PIK3R2: variants seen among roughly 807,000 people sequenced by gnomAD.
PIK3R2 encodes phosphoinositide-3-kinase regulatory subunit 2.
In PIK3R2, 40 loss-of-function variants were observed where a neutral mutation model predicts 78.5. The ratio of observed to expected loss-of-function variants is 0.51; its 90% CI spans 0.40 to 0.66. The LOEUF (loss-of-function observed/expected upper bound fraction) is 0.66, where lower values mean the gene tolerates loss of function less well. PIK3R2 is among the 30% of genes least tolerant of loss of function. The pLI is 0.00. For missense variants in PIK3R2, 880 were observed against 1,026.6 expected, an observed-to-expected ratio of 0.86 and a Z score of 1.95; for synonymous variants, 473 against 457.7, an observed-to-expected ratio of 1.03 and a Z score of -0.43.
rs1379560976 is a variant in PIK3R2, at chr19:18,168,269, G to A, written c.1737-206G>A. Reference sequence around the variant, plus strand: ...ACAGAAACAAAAAAATGAGGGGTGTGGGTCAGGGTTCCCCAGCAGAGCTGG... The same window carrying A: ...ACAGAAACAAAAAAATGAGGGGTGTAGGTCAGGGTTCCCCAGCAGAGCTGG... On this transcript the variant is annotated intron_variant, in intron 13 of 15. Transcript: ENST00000222254. This position sits in a 1 kb window ranked among gnomAD's most constrained non-coding sequence, Gnocchi z 4.1. Among the ~76,000 whole-genome samples the A allele has an allele frequency of 3.3e-5, 5 of 152,150 alleles. No homozygotes were observed. Among genetic ancestry groups the A allele is most frequent in the Non-Finnish European group, 5.9e-5 (4 of 68,008 alleles).
Position 18,169,135 on chromosome 19 carries a change from C to T in PIK3R2, c.2028C>T (p.Gly676=), listed in dbSNP as rs760431736. 33 of 1,611,818 alleles carry T rather than the reference C, an allele frequency of 2.0e-5. 1 individual carries two copies. The South Asian group carries it at 3.5e-4, about 17-fold the overall frequency. The change falls in exon 16 of 16, where the codon GGC becomes GGT. Residue 676 remains glycine (G), a synonymous_variant. Coordinates refer to ENST00000222254, the MANE Select transcript of PIK3R2 (RefSeq NM_005027.4). ...GCGTCATCTACCGCACGGCCACCGG[C>T]TTCGGCTTCGCGGAGCCCTACAACC... ...KHCVIYRTAT[G]FGFAEPYNLY... is the part of the protein sequence containing the mutation.
intron 3 of PIK3R2, 47 bp downstream of exon 3, chr19:18,160,610 C>G (rs2043731889): frequency 7.0e-7 from 1 of 1,420,258 alleles, no homozygotes; most frequent in Non-Finnish European, 9.9e-7. Flanking sequence ...TTGCTTACCT[C>G]TAGTGACAGG....
At position 18,162,048 on chromosome 19, in the gene PIK3R2, C is replaced by G; in HGVS notation, c.898C>G (p.Pro300Ala). ...EHLEEQEVAP[P>A]ALPPKPPKAK... Reference sequence around the variant, plus strand: ...CTTGGAAGAGCAGGAGGTTGCGCCCCCAGGTGAGTCCCCTGTATTGCTGTC... The same window carrying G: ...CTTGGAAGAGCAGGAGGTTGCGCCCGCAGGTGAGTCCCCTGTATTGCTGTC... Residue 300 changes from proline to alanine, a missense_variant, in exon 7 of 16, where the codon CCA becomes GCA. Pro to Ala is a conservative substitution (Grantham distance 27). This residue lies in a region of PIK3R2 where 456 missense variants were observed against 486.6 expected (regional missense o/e 0.94). Transcript: ENST00000222254. 6.2e-7 allele frequency: 1 copy of G among 1,613,502 alleles called. No individual in the cohort carries two copies. Among genetic ancestry groups the G allele is most frequent in the Non-Finnish European group, 8.5e-7 (1 of 1,179,606 alleles).
chr19:18,161,107 AT>A lies in PIK3R2; in HGVS notation c.522del (p.Lys175ArgfsTer12). On this transcript the variant is annotated frameshift_variant, in exon 5 of 16. Transcript: ENST00000222254. LOFTEE classifies it high-confidence loss of function. This position sits in a 1 kb window ranked among gnomAD's most constrained non-coding sequence, Gnocchi z 5.3. ...QWDTAALADG[I>X]KSFLLALPAP... ...GGACACGGCAGCCCTGGCTGACGGC[AT>A]TAAGAGCTTCCTGCTGGCACTGCCC... 1 of 1,599,472 alleles carries A rather than the reference AT, an allele frequency of 6.3e-7. No homozygotes were observed. The highest frequency in any genetic ancestry group is 8.5e-7 in the Non-Finnish European group (1 of 1,173,902).
chr19:18,155,324 G>A, intron 1 of PIK3R2, 133 bp from the exon 2 acceptor site: 1 of 312,588 alleles, frequency 3.2e-6, no homozygotes, highest in Non-Finnish European at 5.8e-6. Flanking sequence ...TAGAGAAGCT[G>A]AGGCCCTGAG....
In PIK3R2 at chr19:18,160,905, C is replaced by T. The variant is rs1393453484; in HGVS notation, c.416-14C>T. On this transcript the variant is annotated splice_polypyrimidine_tract_variant and intron_variant, in intron 3 of 15. Coordinates refer to ENST00000222254, the MANE Select transcript of PIK3R2 (RefSeq NM_005027.4). Reference sequence around the variant, plus strand: ...GCATTTGAGAGCTGACTCGCCTGTCCCCTTCACCCCCAGGGCTGGACAGCG... The same window carrying T: ...GCATTTGAGAGCTGACTCGCCTGTCTCCTTCACCCCCAGGGCTGGACAGCG... 6.2e-7 allele frequency: 1 copy of T among 1,602,184 alleles called. No individual in the cohort carries two copies. The highest frequency in any genetic ancestry group is 8.5e-7 in the Non-Finnish European group (1 of 1,175,220).
rs1397361725 is a variant in PIK3R2, at chr19:18,161,655, C to T, written c.815+160C>T. ...TGATGACGGAGCGGAGACCTGGGCT[C>T]CTGAGTCGTGGGACAGAAGGTGAAG... On this transcript the variant is annotated intron_variant, in intron 6 of 15. Coordinates refer to ENST00000222254, the MANE Select transcript of PIK3R2 (RefSeq NM_005027.4). This position sits in a 1 kb window ranked among gnomAD's most constrained non-coding sequence, Gnocchi z 5.3. Among the ~76,000 whole-genome samples the T allele has an allele frequency of 6.6e-6, 1 of 152,174 alleles. No homozygotes were observed. The highest frequency in any genetic ancestry group is 2.4e-5 in the African/African-American group (1 of 41,458).
In PIK3R2 at chr19:18,166,243, A is replaced by G. The variant is rs774323083; in HGVS notation, c.1500A>G (p.Lys500=). ...IFEEQGQTQE[K]CSKEYLERFR... is the part of the protein sequence containing the mutation. ...AAGAGCAGGGCCAGACTCAAGAGAA[A>G]TGCAGCAAGGAATACCTGGAGCGCT... The change falls in exon 12 of 16, where the codon AAA becomes AAG. Residue 500 remains lysine (K), a synonymous_variant. Coordinates refer to ENST00000222254, the MANE Select transcript of PIK3R2 (RefSeq NM_005027.4). 1.1e-5 allele frequency: 18 copies of G among 1,614,168 alleles called. No homozygotes were observed. The East Asian group carries it at 3.3e-4, about 30-fold the overall frequency.
chr19:18,167,239 G>A lies in PIK3R2; in HGVS notation c.1669G>A (p.Asp557Asn), dbSNP rs372272045. The change falls in exon 13 of 16, where the codon GAC (aspartate) becomes AAC (asparagine). Residue 557 changes from aspartate (D) to asparagine (N), a missense_variant. By Grantham distance (23) the Asp-to-Asn change is conservative. This residue lies in a region of PIK3R2 where 268 missense variants were observed against 299.1 expected (regional missense o/e 0.90). Coordinates refer to ENST00000222254, the MANE Select transcript of PIK3R2 (RefSeq NM_005027.4). The surrounding 1 kb of genome is among the most constrained non-coding windows in gnomAD (Gnocchi z 4.5). ...CCAGGCCTCGGACAACAGAGAGATC[G>A]ACAAGCGCATGAACAGCCTCAAGCC... The part of the protein sequence containing the change: ...RAQASDNREI[D>N]KRMNSLKPDL... The A allele has an allele frequency of 1.2e-6, 2 of 1,612,994 alleles. No homozygotes were observed. The highest frequency in any genetic ancestry group is 1.7e-6 in the Non-Finnish European group (2 of 1,179,584).
In PIK3R2 at chr19:18,169,121, C is replaced by G; in HGVS notation, c.2014C>G (p.Arg672Gly). Residue 672 changes from arginine to glycine, a missense_variant, in exon 16 of 16, where the codon CGC becomes GGC. Arg to Gly is a moderately radical substitution (Grantham distance 125). Transcript: ENST00000222254. Reference sequence around the variant, plus strand: ...CGACACCAAGCACTGCGTCATCTACCGCACGGCCACCGGCTTCGGCTTCGC... The same window carrying G: ...CGACACCAAGCACTGCGTCATCTACGGCACGGCCACCGGCTTCGGCTTCGC... ...DGDTKHCVIY[R>G]TATGFGFAEP... 1.2e-6 allele frequency: 2 copies of G among 1,611,906 alleles called. No individual in the cohort carries two copies. Among genetic ancestry groups the G allele is most frequent in the South Asian group, 1.1e-5 (1 of 91,060 alleles).
chr19:18,158,840 G>C (rs1160325425), intron 2 of PIK3R2, among the ~76,000 whole-genome samples: 1 of 151,678 alleles, frequency 6.6e-6, no homozygotes, highest in Non-Finnish European at 1.5e-5. Context: ...GTATCTTTTT[G>C]TTTTGTTTTG....
At chr19:18,158,864 T>C (rs544891755) in intron 2 of PIK3R2, among the ~76,000 whole-genome samples, 23 of 152,274 alleles carry the variant, frequency 1.5e-4, no homozygotes, top group African/African-American at 5.3e-4. Flanking sequence ...TGTTTTGAGA[T>C]GGAGTTTCGC....
Position 18,168,640 on chromosome 19 carries a change from AG to A in PIK3R2, c.1809-84del. On this transcript the variant is annotated intron_variant, in intron 14 of 15. Coordinates refer to ENST00000222254, the MANE Select transcript of PIK3R2 (RefSeq NM_005027.4). This position sits in a 1 kb window ranked among gnomAD's most constrained non-coding sequence, Gnocchi z 4.1. ...AAGAATGAGTAGGAGTTCACCAGGG[AG>A]GAAAAGTTGTCCAGGCAGCTGGGGA... The A allele has an allele frequency of 8.6e-7, 1 of 1,165,046 alleles. No individual in the cohort carries two copies. Among genetic ancestry groups the A allele is most frequent in the Non-Finnish European group, 1.3e-6 (1 of 775,756 alleles). The allele number at this position is 1,165,046 out of a possible 1,614,324, so 72.2% of individuals were successfully genotyped here.
intron 10 of PIK3R2, 32 bp downstream of exon 10, chr19:18,163,179 G>A (rs2147953441): frequency 1.2e-6 from 2 of 1,613,006 alleles, no homozygotes; most frequent in Middle Eastern, 3.3e-4. Context: ...AGGGAGGGTA[G>A]CACCTGGCTG....
rs1314131789 is a variant in PIK3R2 at position 18,156,256 on chromosome 19, C to A, written c.322+55C>A. On this transcript the variant is annotated intron_variant, in intron 2 of 15. Coordinates refer to ENST00000222254, the MANE Select transcript of PIK3R2 (RefSeq NM_005027.4). The surrounding 1 kb of genome is among the most constrained non-coding windows in gnomAD (Gnocchi z 4.2). Reference sequence around the variant, plus strand: ...GGGGTGGTCCCCTCAGACCCTTGGTCTCCTCTTCTGTCCAGTGAGGCAATG... The same window carrying A: ...GGGGTGGTCCCCTCAGACCCTTGGTATCCTCTTCTGTCCAGTGAGGCAATG... 1.5e-6 allele frequency: 2 copies of A among 1,327,798 alleles called. No individual in the cohort carries two copies. The highest frequency in any genetic ancestry group is 2.0e-6 in the Non-Finnish European group (2 of 998,596). The allele number at this position is 1,327,798 out of a possible 1,614,324, so 82.3% of individuals were successfully genotyped here.
In PIK3R2 at chr19:18,162,273, C is replaced by T. The variant is rs2043757191; in HGVS notation, c.973C>T (p.Leu325=). 2 of 1,610,268 alleles carry T rather than the reference C, an allele frequency of 1.2e-6. No homozygotes were observed. The highest frequency in any genetic ancestry group is 1.7e-6 in the Non-Finnish European group (2 of 1,177,040). ...GGCCAATGGAGGGAGCCCACCCTCC[C>T]TGCAGGATGCTGAGTGGTACTGGGG... ...VLANGGSPPS[L]QDAEWYWGDI... is the part of the protein sequence containing the mutation. Residue 325 remains leucine (L), a synonymous_variant, in exon 8 of 16, where the codon CTG becomes TTG. Transcript: ENST00000222254.
intron 2 of PIK3R2, among the ~76,000 whole-genome samples, chr19:18,158,558 G>C (rs2043705248): frequency 6.6e-6 from 1 of 150,990 alleles, no homozygotes; most frequent in Non-Finnish European, 1.5e-5. Context: ...TTAGGGGCCA[G>C]GAGTTTGAGG....
rs553673157 is a variant in PIK3R2, at chr19:18,160,494, G to C, written c.346G>C (p.Glu116Gln). 2 of 1,613,432 alleles carry C rather than the reference G, an allele frequency of 1.2e-6. No individual in the cohort carries two copies. The highest frequency in any genetic ancestry group is 1.3e-5 in the African/African-American group (1 of 74,828). Residue 116 changes from glutamate (E) to glutamine (Q), a missense_variant, in exon 3 of 16, where the codon GAG becomes CAG. Glu to Gln is a conservative substitution (Grantham distance 29). This residue lies in a region of PIK3R2 where 456 missense variants were observed against 486.6 expected (regional missense o/e 0.94). Coordinates refer to ENST00000222254, the MANE Select transcript of PIK3R2 (RefSeq NM_005027.4). ...EPGLTLPDLP[E>Q]QFSPPDVAPP... is the part of the protein sequence containing the mutation. ...AGGCCTCACACTCCCCGACTTGCCC[G>C]AGCAGTTCTCCCCACCTGATGTGGC...
At chr19:18,165,362 CAAAAAAAAA>C (rs33933785) in intron 11 of PIK3R2, among the ~76,000 whole-genome samples, 3 of 81,016 alleles carry the variant, frequency 3.7e-5, no homozygotes, top group East Asian at 3.5e-4. Flanking sequence ...GACTCCGTCT[CAAAAAAAAA>C]AAAAAAAAAA....
Sources: allele counts gnomAD v4.1 joint callset (sites outside exome capture counted in the v4.1 genomes callset), GRCh38; gene constraint gnomAD v4.1.1; regional missense constraint gnomAD v4.1.1; non-coding constraint Gnocchi (gnomAD v3.1); transcripts MANE v1.5; gene names NCBI Gene and HGNC (gene_info 2026-07-23, HGNC 2026-07-21).